The following PAPPA variants were observed in gnomAD, a reference collection of about 807,000 sequenced individuals.
The protein encoded by PAPPA is pappalysin-1.
A neutral mutation model predicts 164.0 loss-of-function variants in PAPPA; 60 were observed. The ratio of observed to expected loss-of-function variants is 0.37; its 90% CI spans 0.30 to 0.45. The LOEUF (loss-of-function observed/expected upper bound fraction) is 0.45, where lower values mean the gene tolerates loss of function less well. Among genes scored for constraint, PAPPA ranks in the 20% least tolerant of loss-of-function variants. The pLI is 1.00. For missense variants in PAPPA, 1,782 were observed against 2,087.3 expected (o/e 0.85, Z 2.85); for synonymous variants, 875 against 814.1 (o/e 1.07, Z -1.27).
rs1846986537 is a variant in PAPPA, at chr9:116,397,832, TATCCTA to T, written c.*1220_*1225del. On this transcript the variant is annotated 3_prime_UTR_variant, in exon 22 of 22. Transcript: ENST00000328252. ...ACTTTTGGATTATTATCCTTATCCT[TATCCTA>T]ATCTTCCTAGCCCTTCAGGCTAGAG... 1 of 152,678 alleles carries T rather than the reference TATCCTA, an allele frequency of 6.5e-6. No homozygotes were observed. Among genetic ancestry groups the T allele is most frequent in the South Asian group, 2.1e-4 (1 of 4,832 alleles). The allele number at this position is 152,678 out of a possible 1,614,324, so 9.5% of individuals were successfully genotyped here. A position where few individuals can be genotyped will look rare whatever the true frequency, so the allele number is the denominator to read the frequency against.
intron 12 of PAPPA, among the ~76,000 whole-genome samples, chr9:116,333,597 C>A (rs1322709431): frequency 1.3e-5 from 2 of 152,174 alleles, no homozygotes; most frequent in African/African-American, 4.8e-5. Flanking sequence ...GGAAGATTTT[C>A]TTGTTTTGTT....
chr9:116,279,248 A>T (rs1845238515), intron 9 of PAPPA, among the ~76,000 whole-genome samples: 1 of 152,146 alleles, frequency 6.6e-6, no homozygotes, highest in South Asian at 2.1e-4. Flanking sequence ...AAAGGGTCAA[A>T]GGGGGTCACT....
At chr9:116,265,283 T>TG (rs969248914) in intron 7 of PAPPA, among the ~76,000 whole-genome samples, 1 of 152,174 alleles carries the variant, frequency 6.6e-6, no homozygotes, top group African/African-American at 2.4e-5. Context: ...ATTCTATTAA[T>TG]GGATGCTGCT....
At chr9:116,209,966 G>C (rs529809461) in intron 3 of PAPPA, among the ~76,000 whole-genome samples, 22 of 152,244 alleles carry the variant, frequency 1.4e-4, no homozygotes, top group African/African-American at 5.3e-4. Flanking sequence ...CTGCTCATGA[G>C]TAATTCCTCT....
At chr9:116,274,466 T>G (rs138385585) in intron 9 of PAPPA, among the ~76,000 whole-genome samples, 1 of 152,330 alleles carries the variant, frequency 6.6e-6, no homozygotes, top group Admixed American at 6.5e-5. Flanking sequence ...GACCAATCTT[T>G]AATGAGTCAG....
chr9:116,379,083 G>A (rs1056612712), intron 20 of PAPPA, among the ~76,000 whole-genome samples: 1 of 152,174 alleles, frequency 6.6e-6, no homozygotes, highest in African/African-American at 2.4e-5. Flanking sequence ...CTGAGTTGGC[G>A]GTCTGGGCAA....
In PAPPA at chr9:116,182,801, A is replaced by G. The variant is rs546936452; in HGVS notation, c.416-4353A>G. ...TAGCTGCAGGAAGATAGGGTGCATT[A>G]GAAAGATCAGCTGGCCAGGGTTCCA... is the stretch of plus-strand genomic sequence containing the variant. On this transcript the variant is annotated intron_variant, in intron 1 of 21. Transcript: ENST00000328252. Among the ~76,000 whole-genome samples, 3 of 152,306 alleles carry G rather than the reference A, an allele frequency of 2.0e-5. No individual in the cohort carries two copies. In the South Asian group the frequency reaches 6.2e-4, roughly 32 times the overall value.
rs901323908 is a variant in PAPPA, at chr9:116,402,316, G to A, written c.*5700G>A. On this transcript the variant is annotated 3_prime_UTR_variant, in exon 22 of 22. Transcript: ENST00000328252. ...TATGAAAATATATAATAGCTTGTAC[G>A]CTTCAGTGTGTTGTTGTGTGGTTTT... is the stretch of plus-strand genomic sequence containing the variant. 8 of 152,424 alleles carry A rather than the reference G, an allele frequency of 5.2e-5. No homozygotes were observed. Among genetic ancestry groups the A allele is most frequent in the Non-Finnish European group, 1.0e-4 (7 of 68,002 alleles). 9.4% of individuals were successfully genotyped at this position (152,424 alleles called of 1,614,324 possible). A position where few individuals can be genotyped will look rare whatever the true frequency, so the allele number is the denominator to read the frequency against.
At chr9:116,372,610 G>T (rs1446316196) in intron 19 of PAPPA, among the ~76,000 whole-genome samples, 1 of 151,994 alleles carries the variant, frequency 6.6e-6, no homozygotes, top group Non-Finnish European at 1.5e-5. Flanking sequence ...CCTTGCCCAG[G>T]GATGCTGAGA....
intron 19 of PAPPA, among the ~76,000 whole-genome samples, chr9:116,372,782 A>ACTAT (rs765239204): frequency 6.6e-6 from 1 of 152,214 alleles, no homozygotes; most frequent in Non-Finnish European, 1.5e-5. Flanking sequence ...CCATTTATTG[A>ACTAT]CTATCTCTAA....
At chr9:116,335,853 G>T (rs957673816) in intron 13 of PAPPA, among the ~76,000 whole-genome samples, 1 of 152,204 alleles carries the variant, frequency 6.6e-6, no homozygotes, top group Non-Finnish European at 1.5e-5. Flanking sequence ...GGGTGGTTGT[G>T]AGGGTTACAT....
At chr9:116,371,436 T>TA (rs1333986553) in intron 19 of PAPPA, among the ~76,000 whole-genome samples, 1 of 152,032 alleles carries the variant, frequency 6.6e-6, no homozygotes, top group East Asian at 1.9e-4. Flanking sequence ...TAATGATAAT[T>TA]AAAAATAAAC....
At chr9:116,370,579 G>A (rs774942823) in intron 19 of PAPPA, among the ~76,000 whole-genome samples, 4 of 152,172 alleles carry the variant, frequency 2.6e-5, no homozygotes, top group African/African-American at 9.7e-5. Context: ...TATTCCTACC[G>A]TGGCAGATTT....
chr9:116,300,071 C>T (rs548926791), intron 9 of PAPPA, among the ~76,000 whole-genome samples: 88 of 152,198 alleles, frequency 5.8e-4, no homozygotes, highest in African/African-American at 2.0e-3. Flanking sequence ...TGGCTGGTCA[C>T]TCTTGGATTG....
At chr9:116,344,245 T>A (rs1364895775) in intron 13 of PAPPA, among the ~76,000 whole-genome samples, 2 of 152,180 alleles carry the variant, frequency 1.3e-5, no homozygotes, top group Non-Finnish European at 2.9e-5. Context: ...ATCATGATGA[T>A]CCCTTTCTCA....
chr9:116,235,215 G>C lies in PAPPA; in HGVS notation c.2310G>C (p.Thr770=). ...WSPNSAVNPH[T]VPPACPEPQG... ...CAAATTCAGCTGTCAACCCACACAC[G>C]GTTCCTCCAGCCTGCCCTGAGCCTC... The change falls in exon 7 of 22, where the codon ACG becomes ACC. Residue 770 remains threonine, a synonymous_variant. Transcript: ENST00000328252. 6.2e-7 allele frequency: 1 copy of C among 1,614,090 alleles called. No individual in the cohort carries two copies. The highest frequency in any genetic ancestry group is 8.5e-7 in the Non-Finnish European group (1 of 1,180,004).
intron 19 of PAPPA, among the ~76,000 whole-genome samples, chr9:116,370,381 T>C (rs1846557468): frequency 6.6e-6 from 1 of 152,188 alleles, no homozygotes; most frequent in African/African-American, 2.4e-5. Flanking sequence ...TAAGAGAAGG[T>C]GAAGAGAGAC....
intron 2 of PAPPA, among the ~76,000 whole-genome samples, chr9:116,191,046 G>GAT (rs141939687): frequency 0.27 from 38,431 of 144,006 alleles, 5,993 homozygotes; most frequent in Non-Finnish European, 0.35. Flanking sequence ...GGAAGGGAAG[G>GAT]AGGGAGGGAG....
intron 1 of PAPPA, among the ~76,000 whole-genome samples, chr9:116,161,751 G>GATT (rs1298948961): frequency 6.6e-6 from 1 of 151,496 alleles, no homozygotes; most frequent in Non-Finnish European, 1.5e-5. Flanking sequence ...GTTGGTGAGA[G>GATT]ATTAGCAAAC....
Sources: gnomAD v4.1 joint callset for allele counts (sites outside exome capture counted in the v4.1 genomes callset) on GRCh38, gnomAD v4.1.1 for gene constraint, MANE v1.5 for transcripts, NCBI Gene and HGNC (gene_info 2026-07-23, HGNC 2026-07-21) for gene names.